The following AP1G1 variants were observed in gnomAD, a reference collection of about 807,000 sequenced individuals.
AP1G1 encodes adaptor related protein complex 1 subunit gamma 1, also known as AP-1 complex subunit gamma-1.
AP1G1 carries 7 observed loss-of-function variants against 108.3 expected under a neutral mutation model. That is an observed-to-expected ratio of 0.06 (90% CI 0.04 to 0.12). The LOEUF is 0.12. Ranked by LOEUF, AP1G1 falls within the 10% of genes least tolerant of loss-of-function variation. The probability of loss-of-function intolerance (pLI) is 1.00; values close to 1 mark genes in which losing one functional copy is unlikely to be tolerated. For missense variants in AP1G1, 756 were observed against 1,010.7 expected, an observed-to-expected ratio of 0.75 and a Z score of 3.42; for synonymous variants, 379 against 353.5, an observed-to-expected ratio of 1.07 and a Z score of -0.81.
intron 16 of AP1G1, among the ~76,000 whole-genome samples, chr16:71,747,560 A>AT (rs1218589007): frequency 6.6e-5 from 10 of 152,064 alleles, no homozygotes; most frequent in African/African-American, 2.4e-4. Context: ...CCAGCCTGGC[A>AT]ACAGAGCAAG....
At chr16:71,793,023 G>C (rs1597085505) in intron 1 of AP1G1, among the ~76,000 whole-genome samples, 2 of 151,912 alleles carry the variant, frequency 1.3e-5, no homozygotes, top group East Asian at 3.9e-4. Flanking sequence ...AACAAAATGA[G>C]CCAGGCATGG....
intron 2 of AP1G1, among the ~76,000 whole-genome samples, chr16:71,788,328 C>T (rs1392483): frequency 0.34 from 51,978 of 151,978 alleles, 9,699 homozygotes; most frequent in East Asian, 0.76. Flanking sequence ...TTTAATAGCA[C>T]TAATATGAAA....
At chr16:71,765,816 AAG>A (rs1316540931) in intron 6 of AP1G1, among the ~76,000 whole-genome samples, 1 of 152,216 alleles carries the variant, frequency 6.6e-6, no homozygotes, top group African/African-American at 2.4e-5. Flanking sequence ...TTTTTTATGC[AAG>A]AGTTATATGT....
chr16:71,808,067 C>CA, intron 1 of AP1G1: 1 of 1,178,474 alleles, frequency 8.5e-7, no homozygotes, highest in Non-Finnish European at 1.1e-6. Context: ...CCGGGAAACA[C>CA]AATCAACCGA....
intron 12 of AP1G1, 110 bp downstream of exon 12, chr16:71,755,909 G>T: frequency 8.2e-7 from 1 of 1,220,114 alleles, no homozygotes; most frequent in Non-Finnish European, 1.1e-6. Context: ...CTCCCAAACT[G>T]CTGAGACTGC....
chr16:71,779,330 A>G (rs534285378), intron 2 of AP1G1, among the ~76,000 whole-genome samples: 2 of 148,560 alleles, frequency 1.3e-5, no homozygotes, highest in Non-Finnish European at 1.5e-5. Flanking sequence ...AAGTTTTTCT[A>G]TATGACTCTC....
At chr16:71,780,432 A>C (rs1427110315) in intron 2 of AP1G1, among the ~76,000 whole-genome samples, 1 of 151,378 alleles carries the variant, frequency 6.6e-6, no homozygotes, top group Admixed American at 6.6e-5. Flanking sequence ...TGAAGGCTGC[A>C]GTGAACTACG....
At chr16:71,761,816 CAAAAAAAA>C (rs375647068) in intron 9 of AP1G1, among the ~76,000 whole-genome samples, 2 of 44,872 alleles carry the variant, frequency 4.5e-5, no homozygotes, top group African/African-American at 8.0e-5. Context: ...GACTCCATCT[CAAAAAAAA>C]AAAAAAAAAA....
At chr16:71,768,978 C>CAAAAAAAAAAAAAAAA (rs59451625) in intron 6 of AP1G1, among the ~76,000 whole-genome samples, 1 of 65,018 alleles carries the variant, frequency 1.5e-5, no homozygotes, top group East Asian at 4.7e-4. Flanking sequence ...AAAAAAAATA[C>CAAAAAAAAAAAAAAAA]AAAAAAAAAA....
chr16:71,787,318 CAAAAAAAAAAA>C (rs71153662), intron 2 of AP1G1, among the ~76,000 whole-genome samples: 3 of 96,882 alleles, frequency 3.1e-5, no homozygotes, highest in Admixed American at 1.1e-4. Flanking sequence ...GACTCTGTCT[CAAAAAAAAAAA>C]AAAAAAAAAA....
chr16:71,806,743 A>G, intron 1 of AP1G1: 3 of 1,285,534 alleles, frequency 2.3e-6, no homozygotes, highest in Non-Finnish European at 3.0e-6. Flanking sequence ...AAACCAAAAG[A>G]GAAAATTCCA....
rs762724915 is a variant in AP1G1 at position 71,745,174 on chromosome 16, G to A, written c.1969C>T (p.Leu657Phe). Reference protein sequence around the residue: ...SKPSSAGGELLDLLGDINLTG... With the variant: ...SKPSSAGGELFDLLGDINLTG... ...AGGTTGATGTCTCCCAGCAAATCAA[G>A]AAGTTCTCCACCAGCAGAAGATGGT... Residue 657 changes from leucine (L) to phenylalanine (F), a missense_variant, in exon 19 of 23, where the codon CTT becomes TTT. Physicochemically the swap from Leu to Phe is conservative, Grantham distance 22 (BLOSUM62 0). This residue lies in a region of AP1G1 where 357 missense variants were observed against 366.5 expected (regional missense o/e 0.97). Transcript: ENST00000299980. 6.2e-7 allele frequency: 1 copy of A among 1,614,120 alleles called. No homozygotes were observed. Among genetic ancestry groups the A allele is most frequent in the Admixed American group, 1.7e-5 (1 of 60,020 alleles).
At chr16:71,767,155 T>C (rs1185927638) in intron 6 of AP1G1, among the ~76,000 whole-genome samples, 1 of 152,206 alleles carries the variant, frequency 6.6e-6, no homozygotes, top group African/African-American at 2.4e-5. Flanking sequence ...GAAATTGTTT[T>C]ATCCACTGCC....
At chr16:71,733,269 T>G in intron 22 of AP1G1, 110 bp from the exon 23 acceptor site, 1 of 831,744 alleles carries the variant, frequency 1.2e-6, no homozygotes. Context: ...AAAGCAAAGC[T>G]GTCTGTTAAG....
At chr16:71,800,051 T>C (rs2032730817) in intron 1 of AP1G1, among the ~76,000 whole-genome samples, 1 of 150,936 alleles carries the variant, frequency 6.6e-6, no homozygotes, top group Non-Finnish European at 1.5e-5. Flanking sequence ...CAAAATGTCA[T>C]CTTTTAAAAA....
At chr16:71,771,556 T>C (rs1481515228) in intron 4 of AP1G1, among the ~76,000 whole-genome samples, 2 of 152,328 alleles carry the variant, frequency 1.3e-5, no homozygotes, top group East Asian at 1.9e-4. Flanking sequence ...AAATTATTTA[T>C]TAACTGGTTG....
intron 17 of AP1G1, among the ~76,000 whole-genome samples, chr16:71,746,032 ACAGAGT>A (rs2030157663): frequency 1.3e-5 from 2 of 151,740 alleles, no homozygotes; most frequent in Admixed American, 6.6e-5. Flanking sequence ...TTTTTTTGAG[ACAGAGT>A]CTTGCTCTGT....
chr16:71,780,899 T>TG (rs2031989715), intron 2 of AP1G1, among the ~76,000 whole-genome samples: 2 of 151,518 alleles, frequency 1.3e-5, no homozygotes, highest in Admixed American at 6.6e-5. Flanking sequence ...CCCTGGCTAG[T>TG]GTCAAACTCC....
In AP1G1 at chr16:71,731,421, A is replaced by T. The variant is rs375474143; in HGVS notation, c.*1637T>A. The stretch of plus-strand genomic sequence containing the variant: ...TTTAAGTAAAGGCTTGGTGAAATGA[A>T]GGGGAAAAAAAGGGATATTTGTTTC... On this transcript the variant is annotated 3_prime_UTR_variant, in exon 23 of 23. Transcript: ENST00000299980. 6.5e-6 allele frequency: 1 copy of T among 152,784 alleles called. No homozygotes were observed. The highest frequency in any genetic ancestry group is 2.1e-4 in the South Asian group (1 of 4,826). The allele number at this position is 152,784 out of a possible 1,614,324, so 9.5% of individuals were successfully genotyped here.
Sources: gnomAD v4.1 joint callset for allele counts (sites outside exome capture counted in the v4.1 genomes callset) on GRCh38, gnomAD v4.1.1 for gene constraint, gnomAD v4.1.1 regional missense constraint, MANE v1.5 for transcripts, NCBI Gene and HGNC (gene_info 2026-07-23, HGNC 2026-07-21) for gene names.